UTRN: variants seen among roughly 807,000 people sequenced by gnomAD.
UTRN encodes dystrophin-related protein 1.
In UTRN, 283 loss-of-function variants were observed where a neutral mutation model predicts 463.9. The ratio of observed to expected loss-of-function variants is 0.61; its 90% CI spans 0.55 to 0.67. The LOEUF is 0.67. Among genes scored for constraint, UTRN ranks in the 30% least tolerant of loss-of-function variants. UTRN has a pLI of 0.00. For synonymous variants in UTRN, 1,442 were observed against 1,431.5 expected, an observed-to-expected ratio of 1.01 and a Z score of -0.17; for missense variants, 3,922 against 4,084.3, an observed-to-expected ratio of 0.96 and a Z score of 1.08.
intron 51 of UTRN, 72 bp from the exon 52 acceptor site, chr6:144,678,334 C>A: frequency 1.4e-6 from 2 of 1,423,382 alleles, no homozygotes; most frequent in Non-Finnish European, 1.9e-6. Context: ...TGCTTGAGAG[C>A]AACTCATCTG....
Position 144,851,015 on chromosome 6 carries a change from C to A in UTRN, c.*18C>A. On this transcript the variant is annotated 3_prime_UTR_variant, in exon 75 of 75. Transcript: ENST00000367545. The stretch of plus-strand genomic sequence containing the variant: ...CAATGTGAAGTATTCATCCGGCCAA[C>A]CAATGTTTCCTGACGTACAGTGTTG... The A allele has an allele frequency of 6.2e-7, 1 of 1,613,660 alleles. No homozygotes were observed. The highest frequency in any genetic ancestry group is 8.5e-7 in the Non-Finnish European group (1 of 1,179,622).
chr6:144,321,563 G>A (rs535007056), intron 2 of UTRN, among the ~76,000 whole-genome samples: 4 of 145,516 alleles, frequency 2.7e-5, no homozygotes, highest in East Asian at 2.1e-4. Flanking sequence ...TCTCCCTCCC[G>A]GGTTCAAGCG....
At chr6:144,805,680 T>G (rs997305369) in intron 65 of UTRN, among the ~76,000 whole-genome samples, 1 of 146,846 alleles carries the variant, frequency 6.8e-6, no homozygotes, top group Non-Finnish European at 1.5e-5. Context: ...GTTGGCAACA[T>G]CAGAGGAGTA....
chr6:144,802,648 T>C (rs1777797398), intron 64 of UTRN, among the ~76,000 whole-genome samples: 4 of 152,214 alleles, frequency 2.6e-5, no homozygotes, highest in Admixed American at 2.6e-4. Flanking sequence ...TTACACAGTA[T>C]TTCTTGATTT....
chr6:144,434,329 C>G (rs367812381), intron 9 of UTRN, among the ~76,000 whole-genome samples: 263 of 95,310 alleles, frequency 2.8e-3, no homozygotes, highest in African/African-American at 0.01. Context: ...AGAGGGAGAC[C>G]GTGGAAAGAG....
chr6:144,419,162 A>T (rs73780565), intron 3 of UTRN, among the ~76,000 whole-genome samples: 6,655 of 152,274 alleles, frequency 0.044, 335 homozygotes, highest in African/African-American at 0.11. Context: ...GCTTTTACTG[A>T]CAGTGGGTAG....
At chr6:144,725,757 TTC>T (rs1787808293) in intron 53 of UTRN, among the ~76,000 whole-genome samples, 1 of 152,240 alleles carries the variant, frequency 6.6e-6, no homozygotes, top group Non-Finnish European at 1.5e-5. Context: ...TTAAATCTAT[TTC>T]TGACATACAA....
At chr6:144,439,086 T>A (rs1786873055) in intron 12 of UTRN, among the ~76,000 whole-genome samples, 191 bp downstream of exon 12, 1 of 152,196 alleles carries the variant, frequency 6.6e-6, no homozygotes, top group South Asian at 2.1e-4. Flanking sequence ...AAGGGCACGG[T>A]AAAATTTTAT....
At chr6:144,657,310 GT>G (rs1236399032) in intron 51 of UTRN, among the ~76,000 whole-genome samples, 2 of 149,888 alleles carry the variant, frequency 1.3e-5, no homozygotes, top group East Asian at 4.0e-4. Context: ...CAATATCTTA[GT>G]TTTTGTTGCT....
intron 63 of UTRN, 119 bp downstream of exon 63, chr6:144,794,110 C>A (rs1777006794): frequency 7.4e-7 from 1 of 1,359,742 alleles, no homozygotes; most frequent in Non-Finnish European, 9.9e-7. Context: ...TGGGTACCAT[C>A]CAACAAGTGG....
chr6:144,775,861 A>G (rs1448037370), intron 60 of UTRN, among the ~76,000 whole-genome samples: 3 of 152,168 alleles, frequency 2.0e-5, no homozygotes, highest in Non-Finnish European at 4.4e-5. Flanking sequence ...ATTCCTGAAG[A>G]AAAAAACCCC....
intron 60 of UTRN, among the ~76,000 whole-genome samples, chr6:144,781,097 G>T (rs1424320837): frequency 6.6e-6 from 1 of 152,178 alleles, no homozygotes; most frequent in East Asian, 1.9e-4. Flanking sequence ...TTCACCTCCT[G>T]TGCACACCCT....
chr6:144,774,120 T>TC (rs1775096466), intron 59 of UTRN, among the ~76,000 whole-genome samples, 170 bp from the exon 60 acceptor site: 1 of 152,248 alleles, frequency 6.6e-6, no homozygotes, highest in South Asian at 2.1e-4. Context: ...ATGGTGCTAA[T>TC]GATCATTTAA....
At chr6:144,662,583 A>G (rs1201692579) in intron 51 of UTRN, among the ~76,000 whole-genome samples, 2 of 152,208 alleles carry the variant, frequency 1.3e-5, no homozygotes, top group Admixed American at 6.5e-5. Context: ...TTCAGTCTGA[A>G]GTTTAGGTGA....
At chr6:144,566,786 G>A (rs143974184) in intron 50 of UTRN, among the ~76,000 whole-genome samples, 48 of 152,184 alleles carry the variant, frequency 3.2e-4, no homozygotes, top group African/African-American at 1.2e-3. Context: ...GAGCAGGGAG[G>A]ACCCTTATTC....
intron 41 of UTRN, among the ~76,000 whole-genome samples, chr6:144,530,734 G>A (rs945008421): frequency 1.3e-5 from 2 of 151,960 alleles, no homozygotes; most frequent in African/African-American, 2.4e-5. Context: ...GAGTGTGTGT[G>A]TGAGTGTGTT....
intron 2 of UTRN, among the ~76,000 whole-genome samples, chr6:144,349,254 C>T (rs574044656): frequency 4.6e-5 from 7 of 152,168 alleles, no homozygotes; most frequent in East Asian, 1.9e-4. Context: ...GTGATCCGCC[C>T]GCCTCAGCCT....
At chr6:144,732,245 T>TATATATATACAC (rs1554359966) in intron 54 of UTRN, among the ~76,000 whole-genome samples, 1 of 108,418 alleles carries the variant, frequency 9.2e-6, no homozygotes, top group African/African-American at 5.5e-5. Context: ...TATACATATA[T>TATATATATACAC]ATATATATAT....
chr6:144,702,236 G>A (rs1455553019), intron 53 of UTRN, among the ~76,000 whole-genome samples: 1 of 152,202 alleles, frequency 6.6e-6, no homozygotes, highest in East Asian at 1.9e-4. Context: ...CAGCCTCTCA[G>A]TCTGTCCTGG....
Sources: gnomAD v4.1 joint callset for allele counts (sites outside exome capture counted in the v4.1 genomes callset) on GRCh38, gnomAD v4.1.1 for gene constraint, MANE v1.5 for transcripts, NCBI Gene and HGNC (gene_info 2026-07-23, HGNC 2026-07-21) for gene names.